The following ELOVL2 variants were observed in gnomAD, a reference collection of about 807,000 sequenced individuals.
The protein encoded by ELOVL2 is very long chain fatty acid elongase 2.
Under a neutral mutation model 37.7 loss-of-function variants are expected in ELOVL2, and 38 were observed. The ratio of observed to expected loss-of-function variants is 1.01; its 90% CI spans 0.78 to 1.32. ELOVL2 has a LOEUF of 1.32. ELOVL2 is among the 40% of genes most tolerant of loss of function. ELOVL2 has a pLI of 0.00. For synonymous variants in ELOVL2, 115 were observed against 122.3 expected, an observed-to-expected ratio of 0.94 and a Z score of 0.40; for missense variants, 352 against 363.6, an observed-to-expected ratio of 0.97 and a Z score of 0.26.
At position 10,989,687 on chromosome 6, in the gene ELOVL2, TTTAC is replaced by T. The variant is rs1490920730; in HGVS notation, c.765+12_765+15del. ...ATCGATTACATTTTACTGCTGAATATTTACATTCCACGTACCTGAACGTAAAAAT... is the reference window on the plus strand; with the variant it reads ...ATCGATTACATTTTACTGCTGAATATATTCCACGTACCTGAACGTAAAAAT... On this transcript the variant is annotated intron_variant, in intron 7 of 7. Coordinates refer to ENST00000354666, the MANE Select transcript of ELOVL2 (RefSeq NM_017770.4). 2.5e-6 allele frequency: 4 copies of T among 1,610,816 alleles called. No homozygotes were observed. The African/African-American group carries it at 5.3e-5, about 22-fold the overall frequency.
chr6:11,001,939 A>G (rs1425406203), intron 3 of ELOVL2, among the ~76,000 whole-genome samples: 1 of 152,246 alleles, frequency 6.6e-6, no homozygotes, highest in Admixed American at 6.5e-5. Context: ...TTAATCCAAG[A>G]TGTTAACATC....
In ELOVL2 at chr6:11,038,108, CA is replaced by C. The variant is rs1581884260; in HGVS notation, c.3+6119del. ...GCTACCTCTAGTATGTGACCTTGGG[CA>C]AATTATTTATCTTCTTTGAAACTGT... is the stretch of plus-strand genomic sequence containing the variant. On this transcript the variant is annotated intron_variant, in intron 1 of 7. Coordinates refer to ENST00000354666, the MANE Select transcript of ELOVL2 (RefSeq NM_017770.4). 6.6e-5 allele frequency among the ~76,000 whole-genome samples: 10 copies of C among 151,886 alleles called. No homozygotes were observed. In the East Asian group the frequency reaches 1.9e-3, roughly 29 times the overall value.
chr6:10,988,697 ATG>A (rs1782092046), intron 7 of ELOVL2, among the ~76,000 whole-genome samples: 1 of 152,256 alleles, frequency 6.6e-6, no homozygotes. Context: ...TTGAATATAA[ATG>A]TACTTTGTTT....
At chr6:10,990,675 C>G (rs994985736) in intron 5 of ELOVL2, among the ~76,000 whole-genome samples, 28 of 142,814 alleles carry the variant, frequency 2.0e-4, no homozygotes, top group Admixed American at 3.6e-4. Context: ...ATGCCCCCCC[C>G]CCGCCACACA....
At chr6:11,020,305 C>T (rs1561724607) in intron 1 of ELOVL2, among the ~76,000 whole-genome samples, 1 of 152,098 alleles carries the variant, frequency 6.6e-6, no homozygotes, top group African/African-American at 2.4e-5. Flanking sequence ...TTGAGAAATT[C>T]TTGACTAAGT....
intron 1 of ELOVL2, among the ~76,000 whole-genome samples, chr6:11,042,383 A>C (rs1257513866): frequency 6.9e-6 from 1 of 145,450 alleles, no homozygotes; most frequent in Non-Finnish European, 1.5e-5. Context: ...CTGAAGACCC[A>C]CAGTTTCTGA....
intron 3 of ELOVL2, 77 bp from the exon 4 acceptor site, chr6:11,000,241 G>T: frequency 1.5e-6 from 2 of 1,339,408 alleles, no homozygotes; most frequent in Non-Finnish European, 2.1e-6. Context: ...TCCCATTCAT[G>T]TCTCTGGCAT....
At chr6:11,029,482 T>C (rs568609588) in intron 1 of ELOVL2, among the ~76,000 whole-genome samples, 1 of 152,302 alleles carries the variant, frequency 6.6e-6, no homozygotes, top group East Asian at 1.9e-4. Flanking sequence ...AGAGTAGAAG[T>C]TGAATAGATA....
chr6:10,987,883 T>G (rs1398918049), intron 7 of ELOVL2, among the ~76,000 whole-genome samples: 1 of 151,862 alleles, frequency 6.6e-6, no homozygotes, highest in East Asian at 2.0e-4. Context: ...GCATCTCATT[T>G]TCACTTTTTT....
intron 7 of ELOVL2, 133 bp downstream of exon 7, chr6:10,989,570 C>T (rs1194265589): frequency 1.0e-5 from 8 of 781,932 alleles, no homozygotes; most frequent in South Asian, 3.8e-5. Flanking sequence ...ACCCAGAAGG[C>T]GGAGGTTGCA....
At chr6:11,005,062 G>A (rs756635712) in intron 3 of ELOVL2, among the ~76,000 whole-genome samples, 11 of 152,150 alleles carry the variant, frequency 7.2e-5, no homozygotes, top group Admixed American at 2.0e-4. Context: ...AGGAGGCTGA[G>A]GCACGAGAAT....
chr6:11,036,633 T>A (rs568523999), intron 1 of ELOVL2, among the ~76,000 whole-genome samples: 1 of 152,204 alleles, frequency 6.6e-6, no homozygotes, highest in South Asian at 2.1e-4. Context: ...AGAACAGTCA[T>A]GAAATCTGCA....
At position 10,995,112 on chromosome 6, in the gene ELOVL2, C is replaced by A. The variant is rs1161557499; in HGVS notation, c.400G>T (p.Val134Phe). 6.2e-7 allele frequency: 1 copy of A among 1,612,948 alleles called. No homozygotes were observed. The highest frequency in any genetic ancestry group is 2.2e-5 in the East Asian group (1 of 44,806). ...ATCTGACTCGTTTTTTTCCGCAAAACGAAGAAAATTGTGTCCAGGAACTCT... is the reference window on the plus strand; with the variant it reads ...ATCTGACTCGTTTTTTTCCGCAAAAAGAAGAAAATTGTGTCCAGGAACTCT... ...SVEFLDTIFF[V>F]LRKKTSQITF... The change falls in exon 5 of 8, where the codon GTT (valine) becomes TTT (phenylalanine). Residue 134 changes from valine to phenylalanine, a missense_variant. Val to Phe is a conservative substitution (Grantham distance 50). Coordinates refer to ENST00000354666, the MANE Select transcript of ELOVL2 (RefSeq NM_017770.4).
chr6:11,005,220 C>T, intron 3 of ELOVL2, 152 bp downstream of exon 3: 2 of 636,306 alleles, frequency 3.1e-6, no homozygotes, highest in Non-Finnish European at 5.0e-6. Flanking sequence ...ACAAGGACTT[C>T]CAGGATTTTC....
intron 1 of ELOVL2, among the ~76,000 whole-genome samples, chr6:11,038,234 A>G: frequency 6.6e-6 from 1 of 152,338 alleles, no homozygotes; most frequent in East Asian, 1.9e-4. Context: ...AAAACATTCA[A>G]CTGATTAATA....
At chr6:11,003,188 C>T (rs912440181) in intron 3 of ELOVL2, among the ~76,000 whole-genome samples, 5 of 152,150 alleles carry the variant, frequency 3.3e-5, no homozygotes, top group Admixed American at 6.6e-5. Context: ...GCAGAATGTG[C>T]AGGTTTGTTA....
intron 1 of ELOVL2, among the ~76,000 whole-genome samples, chr6:11,016,201 G>C (rs1027150200): frequency 1.1e-4 from 6 of 54,982 alleles, no homozygotes; most frequent in Admixed American, 2.9e-4. Context: ...TACGTTTTAG[G>C]CATTTTCTGG....
chr6:10,995,499 T>G (rs2113487809), intron 4 of ELOVL2, among the ~76,000 whole-genome samples: 1 of 152,320 alleles, frequency 6.6e-6, no homozygotes, highest in East Asian at 1.9e-4. Context: ...TCCACCAGCC[T>G]CCTGCAAGCT....
chr6:10,983,910 T>C lies in ELOVL2; in HGVS notation c.766-4A>G, dbSNP rs773490276. 8 of 1,606,778 alleles carry C rather than the reference T, an allele frequency of 5.0e-6. No individual in the cohort carries two copies. Among genetic ancestry groups the C allele is most frequent in the Non-Finnish European group, 1.7e-6 (2 of 1,177,160 alleles). ...TCATTGGCTTTTTTCGGTATGTCTG[T>C]TGGATGTGTATATTTTGAAGAGAAA... On this transcript the variant is annotated splice_region_variant and splice_polypyrimidine_tract_variant and intron_variant, in intron 7 of 7. Coordinates refer to ENST00000354666, the MANE Select transcript of ELOVL2 (RefSeq NM_017770.4).
Sources: gnomAD v4.1 joint callset for allele counts (sites outside exome capture counted in the v4.1 genomes callset) on GRCh38, gnomAD v4.1.1 for gene constraint, MANE v1.5 for transcripts, NCBI Gene and HGNC (gene_info 2026-07-23, HGNC 2026-07-21) for gene names.